The following TASOR variants were observed in gnomAD, a reference collection of about 807,000 sequenced individuals.
The protein encoded by TASOR is transcription activation suppressor.
TASOR carries 53 observed loss-of-function variants against 178.6 expected under a neutral mutation model. That is an observed-to-expected ratio of 0.30 (90% confidence interval 0.24 to 0.37). TASOR has a LOEUF of 0.37. Ranked by LOEUF, TASOR falls within the 10% of genes least tolerant of loss-of-function variation. The pLI, the probability that TASOR is intolerant of heterozygous loss-of-function variation, is 1.00. For missense variants in TASOR, 1,815 were observed against 1,971.4 expected, an observed-to-expected ratio of 0.92 and a Z score of 1.50; for synonymous variants, 713 against 696.2, an observed-to-expected ratio of 1.02 and a Z score of -0.38.
At chr3:56,628,155 G>A (rs951900689) in intron 19 of TASOR, among the ~76,000 whole-genome samples, 1 of 152,220 alleles carries the variant, frequency 6.6e-6, no homozygotes, top group Non-Finnish European at 1.5e-5. Context: ...GGGAAAAGGG[G>A]ACTGGTCTGG....
At chr3:56,627,302 T>TAA (rs2076820358) in intron 20 of TASOR, among the ~76,000 whole-genome samples, 157 bp from the exon 21 acceptor site, 1 of 152,076 alleles carries the variant, frequency 6.6e-6, no homozygotes, top group African/African-American at 2.4e-5. Context: ...TATACATGCC[T>TAA]AAAGCTCTAA....
In TASOR at chr3:56,641,644, A is replaced by G; in HGVS notation, c.2324T>C (p.Leu775Ser). ...IADIHRLFNW[L>S]SETLANARHS... ...GCGCGCATTTGCTAGTGTTTCTGAT[A>G]ACCAATTAAACAGCCTATGGATGTC... is the stretch of plus-strand genomic sequence containing the variant. Residue 775 changes from leucine to serine, a missense_variant, in exon 15 of 24, where the codon TTA becomes TCA. By Grantham distance (145) the Leu-to-Ser change is moderately radical. Transcript: ENST00000683822. 1 of 1,614,214 alleles carries G rather than the reference A, an allele frequency of 6.2e-7. No homozygotes were observed. Among genetic ancestry groups the G allele is most frequent in the Non-Finnish European group, 8.5e-7 (1 of 1,180,044 alleles).
At chr3:56,661,324 T>C (rs2077590554) in intron 9 of TASOR, among the ~76,000 whole-genome samples, 1 of 152,232 alleles carries the variant, frequency 6.6e-6, no homozygotes, top group South Asian at 2.1e-4. Flanking sequence ...TTTTGGTTTT[T>C]TTGGGTCTTT....
intron 1 of TASOR, among the ~76,000 whole-genome samples, chr3:56,677,647 G>C (rs1446076098): frequency 6.6e-6 from 1 of 152,114 alleles, no homozygotes; most frequent in Non-Finnish European, 1.5e-5. Context: ...ATCATGTCAA[G>C]AGCTGGAAAA....
intron 1 of TASOR, among the ~76,000 whole-genome samples, chr3:56,675,219 G>C (rs1026585205): frequency 4.0e-5 from 6 of 149,894 alleles, no homozygotes; most frequent in African/African-American, 1.5e-4. Flanking sequence ...TTGTTGCCCA[G>C]GCTGAAGTGC....
intron 7 of TASOR, among the ~76,000 whole-genome samples, chr3:56,665,128 A>T (rs910138678): frequency 6.6e-6 from 1 of 152,154 alleles, no homozygotes; most frequent in Non-Finnish European, 1.5e-5. Context: ...CGCTTTACTC[A>T]CTACAGCCTG....
At chr3:56,674,000 T>C (rs185647037) in intron 1 of TASOR, among the ~76,000 whole-genome samples, 1 of 152,264 alleles carries the variant, frequency 6.6e-6, no homozygotes, top group Non-Finnish European at 1.5e-5. Flanking sequence ...CATGCTATAT[T>C]AGGCAACCTA....
In TASOR at chr3:56,662,474, G is replaced by C; in HGVS notation, c.1071C>G (p.Thr357=). ...TATTTAAAAGCTGTCCTTTCCACAA[G>C]GTATAGTTATATTTATCTAAATAAA... ...TDRNIDKYNY[T]LWKGQLLNKG... is the part of the protein sequence containing the mutation. The change falls in exon 9 of 24, where the codon ACC becomes ACG. Residue 357 remains threonine (T), a synonymous_variant. Transcript: ENST00000683822. The C allele has an allele frequency of 6.6e-7, 1 of 1,509,236 alleles. No individual in the cohort carries two copies. The highest frequency in any genetic ancestry group is 9.0e-7 in the Non-Finnish European group (1 of 1,113,636). The allele number at this position is 1,509,236 out of a possible 1,614,324, so 93.5% of individuals were successfully genotyped here. A position where few individuals can be genotyped will look rare whatever the true frequency, so the allele number is the denominator to read the frequency against.
intron 16 of TASOR, among the ~76,000 whole-genome samples, chr3:56,639,704 C>T (rs1420782659): frequency 6.6e-6 from 1 of 152,216 alleles, no homozygotes; most frequent in Non-Finnish European, 1.5e-5. Context: ...TTTCTGCCAA[C>T]AGTCTTCATT....
chr3:56,647,412 G>T (rs1262121119), intron 13 of TASOR, among the ~76,000 whole-genome samples, 189 bp from the exon 14 acceptor site: 9 of 152,050 alleles, frequency 5.9e-5, no homozygotes, highest in Non-Finnish European at 2.9e-5. Context: ...TAAAGTCCAG[G>T]ATCCTAAAAC....
chr3:56,668,356 A>AAATGTT, intron 6 of TASOR, 41 bp downstream of exon 6: 17 of 1,533,156 alleles, frequency 1.1e-5, no homozygotes, highest in Non-Finnish European at 1.5e-5. Context: ...GGTAACAAAC[A>AAATGTT]GGTATGAGAT....
intron 18 of TASOR, among the ~76,000 whole-genome samples, chr3:56,632,424 G>A (rs1408040387): frequency 6.6e-6 from 1 of 151,764 alleles, no homozygotes; most frequent in Non-Finnish European, 1.5e-5. Context: ...GCAGTGAGCC[G>A]AGATCACGCC....
Position 56,650,564 on chromosome 3 carries a change from T to C in TASOR, c.1369-1507A>G, listed in dbSNP as rs111391747. Among the ~76,000 whole-genome samples the C allele has an allele frequency of 4.4e-3, 664 of 152,372 alleles. 3 individuals carry two copies. The highest frequency in any genetic ancestry group is 6.4e-3 in the Non-Finnish European group (435 of 68,036). ...ACTTTGGGGAATCTTTCCCCATTTT[T>C]ACTGCCTGGATTCCATGAGGGTCAG... On this transcript the variant is annotated intron_variant, in intron 11 of 23. Coordinates refer to ENST00000683822, the MANE Select transcript of TASOR (RefSeq NM_001365635.2).
At chr3:56,635,328 A>C (rs565850800) in intron 17 of TASOR, among the ~76,000 whole-genome samples, 1 of 152,354 alleles carries the variant, frequency 6.6e-6, no homozygotes, top group South Asian at 2.1e-4. Flanking sequence ...GAACTGTATG[A>C]AATTGATAAA....
In TASOR at chr3:56,633,259, C is replaced by T. The variant is rs545187829; in HGVS notation, c.3532G>A (p.Val1178Ile). Residue 1178 changes from valine to isoleucine, a missense_variant, in exon 18 of 24, where the codon GTA becomes ATA. This residue lies in a region of TASOR where 655 missense variants were observed against 671.1 expected (regional missense o/e 0.98). Transcript: ENST00000683822. ...TELMVTSDHIVPGDMAREPVE... is the reference protein window; with the variant it reads ...TELMVTSDHIIPGDMAREPVE... ...GGTTCCCGGGCCATATCACCAGGTA[C>T]AATATGATCAGAAGTCACCATTAAC... The T allele has an allele frequency of 2.1e-5, 34 of 1,614,126 alleles. No individual in the cohort carries two copies. The East Asian group carries it at 7.4e-4, about 35-fold the overall frequency.
At chr3:56,625,410 G>A (rs1367055087) in intron 21 of TASOR, among the ~76,000 whole-genome samples, 1 of 152,196 alleles carries the variant, frequency 6.6e-6, no homozygotes, top group Non-Finnish European at 1.5e-5. Flanking sequence ...AACTTTGGGA[G>A]GCCAAAGCAG....
intron 17 of TASOR, among the ~76,000 whole-genome samples, chr3:56,634,380 G>T (rs556382738): frequency 3.9e-5 from 6 of 152,162 alleles, no homozygotes; most frequent in Non-Finnish European, 4.4e-5. Context: ...TGGCCCCTTA[G>T]TAAGAATTCT....
chr3:56,678,069 G>GA (rs1201254620), intron 1 of TASOR, among the ~76,000 whole-genome samples: 1 of 151,766 alleles, frequency 6.6e-6, no homozygotes, highest in Non-Finnish European at 1.5e-5. Context: ...TTCAAACGAG[G>GA]AAACTGATAG....
At chr3:56,652,683 T>C (rs1438585336) in intron 11 of TASOR, among the ~76,000 whole-genome samples, 2 of 152,184 alleles carry the variant, frequency 1.3e-5, no homozygotes, top group African/African-American at 2.4e-5. Flanking sequence ...TGGCGTATGA[T>C]AGGTACTCAC....
Sources: gnomAD v4.1 joint callset for allele counts (sites outside exome capture counted in the v4.1 genomes callset) on GRCh38, gnomAD v4.1.1 for gene constraint, gnomAD v4.1.1 regional missense constraint, MANE v1.5 for transcripts, NCBI Gene and HGNC (gene_info 2026-07-23, HGNC 2026-07-21) for gene names.